Variants in CD40LG observed in about 807,000 individuals in gnomAD.
The protein encoded by CD40LG is CD40 ligand, also known as CD40 antigen ligand.
CD40LG carries 1 observed loss-of-function variant against 17.2 expected under a neutral mutation model. The observed-to-expected ratio is 0.06, with a 90% CI of 0.02 to 0.28. CD40LG has a LOEUF of 0.28. Ranked by LOEUF, CD40LG falls within the 10% of genes least tolerant of loss-of-function variation. CD40LG has a pLI of 1.00. For synonymous variants in CD40LG, 66 were observed against 74.4 expected, an observed-to-expected ratio of 0.89 and a Z score of 0.58; for missense variants, 133 against 193.2, an observed-to-expected ratio of 0.69 and a Z score of 1.85.
In CD40LG at chrX:136,650,458, G is replaced by A. The variant is rs1170862438; in HGVS notation, c.288+61G>A. 5 of 1,048,459 alleles carry A rather than the reference G, an allele frequency of 4.8e-6. No homozygotes were observed. In the African/African-American group the frequency reaches 7.4e-5, roughly 16 times the overall value. 86.4% of individuals were successfully genotyped at this position (1,048,459 alleles called of 1,213,427 possible). On this transcript the variant is annotated intron_variant, in intron 2 of 4. Coordinates refer to ENST00000370629, the MANE Select transcript of CD40LG (RefSeq NM_000074.3). ...AATATTTTACTACATTTGCTAGATC[G>A]GGAAACTGACAATGCCAATGTTTAA...
At chrX:136,655,636 A>G (rs2076116939) in intron 3 of CD40LG, among the ~76,000 whole-genome samples, 1 of 112,428 alleles carries the variant, frequency 8.9e-6, no homozygotes, top group South Asian at 3.7e-4. Context: ...ACTTCCATGA[A>G]GGTTTTATCT....
At position 136,659,920 on chromosome X, in the gene CD40LG, A is replaced by ACCGCCCCCC. The variant is rs2076129891; in HGVS notation, c.*507_*508insGCCCCCCCC. ...ACGTCTAACACAGTGGAGAACCGAA[A>ACCGCCCCCC]CCCCCCCCCCCCCCCCGCCACCCTC... On this transcript the variant is annotated 3_prime_UTR_variant, in exon 5 of 5. Coordinates refer to ENST00000370629, the MANE Select transcript of CD40LG (RefSeq NM_000074.3). The ACCGCCCCCC allele has an allele frequency of 5.4e-5, 1 of 18,644 alleles. No homozygotes were observed. Among genetic ancestry groups the ACCGCCCCCC allele is most frequent in the Admixed American group, 1.0e-3 (1 of 961 alleles). The allele number at this position is 18,644 out of a possible 1,213,427, so 1.5% of individuals were successfully genotyped here. A position where few individuals can be genotyped will look rare whatever the true frequency, so the allele number is the denominator to read the frequency against.
intron 2 of CD40LG, among the ~76,000 whole-genome samples, chrX:136,652,779 C>T (rs774202484): frequency 2.7e-5 from 3 of 111,728 alleles, no homozygotes; most frequent in Admixed American, 9.5e-5. Flanking sequence ...ATTATTTGCC[C>T]ACCAATGCCT....
chrX:136,654,958 A>G (rs750101388), intron 3 of CD40LG, among the ~76,000 whole-genome samples: 2 of 110,759 alleles, frequency 1.8e-5, no homozygotes, highest in East Asian at 5.7e-4. Context: ...CACAACAAAA[A>G]TCTCCTTCAC....
chrX:136,652,314 A>T (rs2076106181), intron 2 of CD40LG, among the ~76,000 whole-genome samples: 1 of 111,436 alleles, frequency 9.0e-6, no homozygotes. Context: ...GCTTTCCCCC[A>T]AATTTCTCAC....
chrX:136,652,355 C>T (rs1183168321), intron 2 of CD40LG, among the ~76,000 whole-genome samples: 1 of 112,030 alleles, frequency 8.9e-6, no homozygotes, highest in Non-Finnish European at 1.9e-5. Context: ...TTTGAAAAAA[C>T]TCAATAGGAC....
intron 1 of CD40LG, 56 bp from the exon 2 acceptor site, chrX:136,650,210 T>G: frequency 1.1e-6 from 1 of 916,517 alleles, no homozygotes; most frequent in Non-Finnish European, 1.6e-6. Context: ...GCAGATATCA[T>G]TAGCTGTATT....
In CD40LG at chrX:136,659,920, A is replaced by ACCCCCCCCCCCCCCCCCCCCCC. The variant is rs57066772; in HGVS notation, c.*521_*522insCCCCCCCCCCCCCCCCCCCCCC. 1 of 18,644 alleles carries ACCCCCCCCCCCCCCCCCCCCCC rather than the reference A, an allele frequency of 5.4e-5. No homozygotes were observed. Among genetic ancestry groups the ACCCCCCCCCCCCCCCCCCCCCC allele is most frequent in the Non-Finnish European group, 1.7e-4 (1 of 5,739 alleles). 1.5% of individuals were successfully genotyped at this position (18,644 alleles called of 1,213,427 possible). A position where few individuals can be genotyped will look rare whatever the true frequency, so the allele number is the denominator to read the frequency against. ...ACGTCTAACACAGTGGAGAACCGAA[A>ACCCCCCCCCCCCCCCCCCCCCC]CCCCCCCCCCCCCCCCGCCACCCTC... On this transcript the variant is annotated 3_prime_UTR_variant, in exon 5 of 5. Transcript: ENST00000370629.
chrX:136,650,727 C>T lies in CD40LG; in HGVS notation c.288+330C>T, dbSNP rs756306099. ...GCATTGCTGTGTCTCCCCATCCAAA[C>T]CTTGATGCTCTCGCACTGGGGACCC... On this transcript the variant is annotated intron_variant, in intron 2 of 4. Transcript: ENST00000370629. Among the ~76,000 whole-genome samples the T allele has an allele frequency of 4.5e-5, 5 of 111,495 alleles. No homozygotes were observed. In the East Asian group the frequency reaches 1.4e-3, roughly 31 times the overall value.
At chrX:136,650,206 A>G in intron 1 of CD40LG, 60 bp from the exon 2 acceptor site, 1 of 877,077 alleles carries the variant, frequency 1.1e-6, no homozygotes, top group Non-Finnish European at 1.7e-6. Context: ...AGAGGCAGAT[A>G]TCATTAGCTG....
chrX:136,648,778 A>G lies in CD40LG; in HGVS notation c.156+374A>G, dbSNP rs190081714. On this transcript the variant is annotated intron_variant, in intron 1 of 4. Coordinates refer to ENST00000370629, the MANE Select transcript of CD40LG (RefSeq NM_000074.3). Reference sequence around the variant, plus strand: ...AGTAAGCACTATGTACGCACTAGCTATAATTATTTGCTAAAGTTCTGCTTT... The same window carrying G: ...AGTAAGCACTATGTACGCACTAGCTGTAATTATTTGCTAAAGTTCTGCTTT... 7.3e-4 allele frequency among the ~76,000 whole-genome samples: 82 copies of G among 112,474 alleles called. 1 individual carries two copies. Among genetic ancestry groups the G allele is most frequent in the Non-Finnish European group, 1.1e-3 (58 of 53,293 alleles).
chrX:136,658,986 G>A lies in CD40LG; in HGVS notation c.410-53G>A. On this transcript the variant is annotated intron_variant, in intron 4 of 4. Coordinates refer to ENST00000370629, the MANE Select transcript of CD40LG (RefSeq NM_000074.3). ...ATTAAACTATATTTTTTGTCAGAAT[G>A]TGAACCATGCTCTGCTTCACCTCAC... 3 of 1,184,350 alleles carry A rather than the reference G, an allele frequency of 2.5e-6. No individual in the cohort carries two copies. The Admixed American group carries it at 6.5e-5, about 26-fold the overall frequency.
chrX:136,650,538 G>T, intron 2 of CD40LG, 141 bp downstream of exon 2: 1 of 529,125 alleles, frequency 1.9e-6, no homozygotes, highest in Non-Finnish European at 3.3e-6. Context: ...TATGCATGCA[G>T]ATATACACAC....
chrX:136,651,195 C>A (rs1298989186), intron 2 of CD40LG, among the ~76,000 whole-genome samples: 1 of 111,161 alleles, frequency 9.0e-6, no homozygotes, highest in African/African-American at 3.3e-5. Context: ...TGAGGCAGAA[C>A]ATCAAGAGTT....
At chrX:136,651,000 C>T (rs769482711) in intron 2 of CD40LG, among the ~76,000 whole-genome samples, 1 of 111,484 alleles carries the variant, frequency 9.0e-6, no homozygotes, top group African/African-American at 3.3e-5. Context: ...ATGAAGCCCG[C>T]CCACTCTATG....
Position 136,650,284 on chromosome X carries a change from C to A in CD40LG, c.175C>A (p.Leu59Ile), listed in dbSNP as rs749829408. 8 of 1,180,099 alleles carry A rather than the reference C, an allele frequency of 6.8e-6. No individual in the cohort carries two copies. The South Asian group carries it at 1.4e-4, about 21-fold the overall frequency. Residue 59 changes from leucine to isoleucine, a missense_variant, in exon 2 of 5, where the codon CTT (leucine) becomes ATT (isoleucine). Transcript: ENST00000370629. Reference sequence around the variant, plus strand: ...AAAATAGATAGAAGATGAAAGGAATCTTCATGAAGATTTTGTATTCATGAA... The same window carrying A: ...AAAATAGATAGAAGATGAAAGGAATATTCATGAAGATTTTGTATTCATGAA... ...RLDKIEDERN[L>I]HEDFVFMKTI...
Position 136,656,378 on chromosome X carries a change from G to A in CD40LG, c.369G>A (p.Ala123=), listed in dbSNP as rs148581967. 1.5e-5 allele frequency: 18 copies of A among 1,207,968 alleles called. No individual in the cohort carries two copies. The African/African-American group carries it at 1.6e-4, about 11-fold the overall frequency. ...MQKGDQNPQI[A]AHVISEASSK... is the part of the protein sequence containing the mutation. ...CAGGTGATCAGAATCCTCAAATTGCGGCACATGTCATAAGTGAGGCCAGCA... is the reference window on the plus strand; with the variant it reads ...CAGGTGATCAGAATCCTCAAATTGCAGCACATGTCATAAGTGAGGCCAGCA... The change falls in exon 4 of 5, where the codon GCG becomes GCA. Residue 123 remains alanine, a synonymous_variant. Transcript: ENST00000370629.
rs1451927037 is a variant in CD40LG at position 136,649,234 on chromosome X, A to C, written c.156+830A>C. Among the ~76,000 whole-genome samples the C allele has an allele frequency of 3.6e-5, 4 of 112,636 alleles. No individual in the cohort carries two copies. The East Asian group carries it at 1.1e-3, about 31-fold the overall frequency. On this transcript the variant is annotated intron_variant, in intron 1 of 4. Coordinates refer to ENST00000370629, the MANE Select transcript of CD40LG (RefSeq NM_000074.3). ...TTGATTAGTTTTCTGGCTGTTCCTAAAATTCTGGATGCAGGAACTGTGGCT... is the reference window on the plus strand; with the variant it reads ...TTGATTAGTTTTCTGGCTGTTCCTACAATTCTGGATGCAGGAACTGTGGCT...
At chrX:136,650,470 A>G (rs41436550) in intron 2 of CD40LG, 73 bp downstream of exon 2, 13,829 of 960,910 alleles carry the variant, frequency 0.014, 96 homozygotes, top group Middle Eastern at 0.027. Flanking sequence ...GAAACTGACA[A>G]TGCCAATGTT....
Sources: allele counts gnomAD v4.1 joint callset (sites outside exome capture counted in the v4.1 genomes callset), GRCh38; gene constraint gnomAD v4.1.1; transcripts MANE v1.5; gene names NCBI Gene and HGNC (gene_info 2026-07-23, HGNC 2026-07-21).